Variants in PHF24 observed in about 807,000 individuals in gnomAD.
PHF24 encodes the protein PHD finger protein 24.
PHF24 carries 25 observed loss-of-function variants against 42.6 expected under a neutral mutation model. That is an observed-to-expected ratio of 0.59 (90% CI 0.43 to 0.82). The LOEUF (loss-of-function observed/expected upper bound fraction) is 0.82, where lower values mean the gene tolerates loss of function less well. Among genes scored for constraint, PHF24 ranks in the 40% least tolerant of loss-of-function variants. PHF24 has a pLI of 0.00. For missense variants in PHF24, 470 were observed against 538.1 expected (o/e 0.87, Z 1.25); for synonymous variants, 185 against 204.8 (o/e 0.90, Z 0.83).
the PHF24 span, among the ~76,000 whole-genome samples, chr9:34,945,842 C>T: frequency 6.6e-6 from 1 of 152,196 alleles, no homozygotes; most frequent in Non-Finnish European, 1.5e-5. Context: ...TATTTTGTTA[C>T]AGCAGCAGAA....
chr9:34,758,586 A>G, the PHF24 span, among the ~76,000 whole-genome samples: 1 of 152,068 alleles, frequency 6.6e-6, no homozygotes, highest in Admixed American at 6.6e-5. This position sits in a 1 kb window ranked among gnomAD's most constrained non-coding sequence, Gnocchi z 4.4. Context: ...ATGAAGATGG[A>G]GCCACAGTGC....
chr9:34,936,244 T>A, the PHF24 span, among the ~76,000 whole-genome samples: 6 of 152,184 alleles, frequency 3.9e-5, no homozygotes, highest in Non-Finnish European at 7.4e-5. Flanking sequence ...GGTTTTCGTA[T>A]TTTTTTGGTG....
the PHF24 span, chr9:34,691,110 C>A: frequency 6.2e-7 from 1 of 1,612,544 alleles, no homozygotes; most frequent in Non-Finnish European, 8.5e-7. Context: ...TCCAGAGAAC[C>A]AGCAGGCTGA....
the PHF24 span, among the ~76,000 whole-genome samples, chr9:34,738,232 GATA>G: frequency 6.6e-6 from 1 of 152,112 alleles, no homozygotes; most frequent in African/African-American, 2.4e-5. Context: ...CACAAACAGA[GATA>G]ATAATATTGT....
At chr9:34,681,635 G>T in the PHF24 span, among the ~76,000 whole-genome samples, 4 of 152,308 alleles carry the variant, frequency 2.6e-5, no homozygotes, top group Non-Finnish European at 5.9e-5. Context: ...ACATGGTGAA[G>T]CCCTGTCTCT....
the PHF24 span, among the ~76,000 whole-genome samples, chr9:34,936,378 G>T: frequency 1.3e-5 from 2 of 152,210 alleles, no homozygotes; most frequent in Admixed American, 6.5e-5. Context: ...GTGCTCAATG[G>T]TGCCCAGGCT....
chr9:34,968,914 C>T (rs1826873823), intron 1 of PHF24, among the ~76,000 whole-genome samples: 1 of 152,178 alleles, frequency 6.6e-6, no homozygotes, highest in Non-Finnish European at 1.5e-5. Context: ...GTGCCCAGAG[C>T]AGAAGGGCAT....
intron 1 of PHF24, among the ~76,000 whole-genome samples, chr9:34,966,427 A>T (rs1405065918): frequency 6.6e-6 from 1 of 151,984 alleles, no homozygotes; most frequent in African/African-American, 2.4e-5. Flanking sequence ...CTCTTTAAAA[A>T]TTTTTCAAAA....
the PHF24 span, among the ~76,000 whole-genome samples, chr9:34,681,609 G>A: frequency 3.9e-5 from 6 of 152,310 alleles, no homozygotes; most frequent in African/African-American, 9.6e-5. Flanking sequence ...TCAGGAGTTC[G>A]AGACCAGCTT....
chr9:34,847,747 T>C, the PHF24 span, among the ~76,000 whole-genome samples: 1 of 152,126 alleles, frequency 6.6e-6, no homozygotes, highest in African/African-American at 2.4e-5. Context: ...TTGTCATAGA[T>C]AGCTCTTATT....
the PHF24 span, among the ~76,000 whole-genome samples, chr9:34,694,456 G>A: frequency 2.0e-5 from 3 of 151,936 alleles, no homozygotes; most frequent in Non-Finnish European, 4.4e-5. Context: ...TCAGCCTCCT[G>A]AGTAGCTGGG....
At chr9:34,886,909 G>C in the PHF24 span, among the ~76,000 whole-genome samples, 4 of 151,876 alleles carry the variant, frequency 2.6e-5, no homozygotes, top group African/African-American at 9.7e-5. Flanking sequence ...CTGAACTCCA[G>C]GCTCAAATGC....
chr9:34,918,410 A>T, the PHF24 span: 2 of 433,388 alleles, frequency 4.6e-6, no homozygotes, highest in Non-Finnish European at 4.2e-6. Context: ...AAGGTCTTTA[A>T]AAAAAAAAAA....
At chr9:34,960,859 ATGTCACC>A (rs1826566653) in intron 1 of PHF24, among the ~76,000 whole-genome samples, 1 of 152,200 alleles carries the variant, frequency 6.6e-6, no homozygotes, top group Non-Finnish European at 1.5e-5. Flanking sequence ...TGCACGAAAG[ATGTCACC>A]AGGTGGCCTT....
the PHF24 span, among the ~76,000 whole-genome samples, chr9:34,910,238 T>C: frequency 5.9e-5 from 9 of 151,924 alleles, no homozygotes; most frequent in East Asian, 1.7e-3. Context: ...TTTTGCCTCT[T>C]TTTTTTTGGC....
the PHF24 span, among the ~76,000 whole-genome samples, chr9:34,730,559 G>C: frequency 1.3e-5 from 2 of 152,202 alleles, no homozygotes; most frequent in African/African-American, 4.8e-5. Flanking sequence ...AGACATTTGA[G>C]CCGCATTGGC....
the PHF24 span, among the ~76,000 whole-genome samples, chr9:34,742,335 T>C: frequency 1.3e-5 from 2 of 152,290 alleles, no homozygotes; most frequent in East Asian, 3.9e-4. Flanking sequence ...GAGAGTGGGC[T>C]GTGGGATAGC....
chr9:34,866,782 G>C, the PHF24 span, among the ~76,000 whole-genome samples: 1 of 152,196 alleles, frequency 6.6e-6, no homozygotes, highest in Admixed American at 6.5e-5. Context: ...CCTGTTGATA[G>C]CCAGCCTAGC....
chr9:34,769,024 C>T, the PHF24 span, among the ~76,000 whole-genome samples: 1 of 151,970 alleles, frequency 6.6e-6, no homozygotes. Flanking sequence ...AGAAGAAGGT[C>T]CCCTTTACAA....
Sources: gnomAD v4.1 joint callset for allele counts (sites outside exome capture counted in the v4.1 genomes callset) on GRCh38, gnomAD v4.1.1 for gene constraint, Gnocchi (gnomAD v3.1) non-coding constraint, MANE v1.5 for transcripts, NCBI Gene and HGNC (gene_info 2026-07-23, HGNC 2026-07-21) for gene names.